ANKRD31: variants seen among roughly 807,000 people sequenced by gnomAD.
ANKRD31 encodes ankyrin repeat domain 31, also known as ankyrin repeat domain-containing protein 31.
A neutral mutation model predicts 186.0 loss-of-function variants in ANKRD31; 147 were observed. That is an observed-to-expected ratio of 0.79 (90% confidence interval 0.69 to 0.91). The LOEUF is 0.91. Ranked by LOEUF, ANKRD31 falls within the 40% of genes least tolerant of loss-of-function variation. ANKRD31 has a pLI of 0.00. For synonymous variants in ANKRD31, 673 were observed against 736.4 expected, an observed-to-expected ratio of 0.91 and a Z score of 1.39; for missense variants, 1,986 against 2,148.8, an observed-to-expected ratio of 0.92 and a Z score of 1.50.
At position 75,099,838 on chromosome 5, in the gene ANKRD31, G is replaced by A. The variant is rs554402013; in HGVS notation, c.5331+4390C>T. ...CTTCTTTTTTATCAGTCTTGCTAGC[G>A]GTCTATCAATTTTGTTGATCTTTTC... On this transcript the variant is annotated intron_variant, in intron 22 of 25. Transcript: ENST00000506364. 1.7e-4 allele frequency among the ~76,000 whole-genome samples: 26 copies of A among 151,940 alleles called. No homozygotes were observed. In the South Asian group the frequency reaches 3.8e-3, roughly 22 times the overall value.
intron 12 of ANKRD31, among the ~76,000 whole-genome samples, chr5:75,152,424 T>C (rs1021401032): frequency 1.2e-4 from 18 of 152,148 alleles, no homozygotes; most frequent in East Asian, 7.7e-4. Flanking sequence ...GAGAAGGATT[T>C]TCAGATTAAA....
intron 22 of ANKRD31, among the ~76,000 whole-genome samples, chr5:75,094,734 G>A (rs1172200948): frequency 6.6e-6 from 1 of 152,080 alleles, no homozygotes; most frequent in Non-Finnish European, 1.5e-5. Flanking sequence ...TCAAAAGGCA[G>A]AGATTATCAG....
intron 19 of ANKRD31, 148 bp downstream of exon 19, chr5:75,116,418 A>T (rs898646253): frequency 1.1e-4 from 29 of 253,840 alleles, no homozygotes; most frequent in East Asian, 6.3e-4. Flanking sequence ...ATAATAATAA[A>T]AAATAAATAA....
At chr5:75,132,795 C>T (rs1749982357) in intron 17 of ANKRD31, among the ~76,000 whole-genome samples, 1 of 152,080 alleles carries the variant, frequency 6.6e-6, no homozygotes, top group South Asian at 2.1e-4. Context: ...AAAGGGAAGC[C>T]CATCAGACTA....
At chr5:75,168,360 C>T (rs1753071913) in intron 11 of ANKRD31, among the ~76,000 whole-genome samples, 1 of 152,148 alleles carries the variant, frequency 6.6e-6, no homozygotes, top group Admixed American at 6.6e-5. Flanking sequence ...GCAAGTGCCT[C>T]AGCCTTGCAA....
chr5:75,158,277 T>C (rs1037005949), intron 11 of ANKRD31, among the ~76,000 whole-genome samples: 1 of 152,208 alleles, frequency 6.6e-6, no homozygotes, highest in African/African-American at 2.4e-5. Context: ...CAATCAGTAA[T>C]TGACCACTAA....
intron 1 of ANKRD31, among the ~76,000 whole-genome samples, chr5:75,235,652 G>T (rs954376517): frequency 6.6e-6 from 1 of 152,164 alleles, no homozygotes; most frequent in Non-Finnish European, 1.5e-5. Flanking sequence ...CCTGCCCCAA[G>T]GCTGGCCCTA....
intron 4 of ANKRD31, among the ~76,000 whole-genome samples, chr5:75,207,986 T>A (rs1258115389): frequency 6.6e-6 from 1 of 152,070 alleles, no homozygotes; most frequent in Non-Finnish European, 1.5e-5. Context: ...AGAACAAAAC[T>A]AAATATGTAT....
At chr5:75,123,804 A>G (rs952950423) in intron 17 of ANKRD31, among the ~76,000 whole-genome samples, 1 of 152,102 alleles carries the variant, frequency 6.6e-6, no homozygotes, top group African/African-American at 2.4e-5. Context: ...AAAGACTTAA[A>G]TTTGTGATCT....
intron 8 of ANKRD31, 84 bp from the exon 9 acceptor site, chr5:75,192,860 A>G: frequency 9.5e-7 from 1 of 1,050,948 alleles, no homozygotes; most frequent in Non-Finnish European, 1.4e-6. Flanking sequence ...TGAATACAAT[A>G]TTAAAACTCC....
At chr5:75,114,123 C>T (rs568420244) in intron 19 of ANKRD31, among the ~76,000 whole-genome samples, 18 of 152,260 alleles carry the variant, frequency 1.2e-4, no homozygotes, top group African/African-American at 4.1e-4. Flanking sequence ...TATTAAGCAA[C>T]TGCTATGTTC....
intron 1 of ANKRD31, among the ~76,000 whole-genome samples, chr5:75,232,821 C>T (rs1286394228): frequency 6.6e-6 from 1 of 152,104 alleles, no homozygotes; most frequent in Non-Finnish European, 1.5e-5. Context: ...CAGATGCTTC[C>T]CTTTTCCTTC....
intron 5 of ANKRD31, among the ~76,000 whole-genome samples, chr5:75,204,960 C>T (rs949931067): frequency 1.3e-5 from 2 of 152,198 alleles, no homozygotes; most frequent in Admixed American, 6.5e-5. Context: ...GCAGCCTGAA[C>T]CTCCTGGGCT....
chr5:75,083,247 A>T (rs1231038168), intron 24 of ANKRD31, among the ~76,000 whole-genome samples: 2 of 152,206 alleles, frequency 1.3e-5, no homozygotes, highest in South Asian at 2.1e-4. Context: ...TTCCACTTGT[A>T]CTAGCATGTC....
Position 75,196,204 on chromosome 5 carries a change from T to G in ANKRD31, c.448-4A>C. The G allele has an allele frequency of 6.9e-7, 1 of 1,448,282 alleles. No individual in the cohort carries two copies. Among genetic ancestry groups the G allele is most frequent in the East Asian group, 2.5e-5 (1 of 40,048 alleles). The allele number at this position is 1,448,282 out of a possible 1,614,324, so 89.7% of individuals were successfully genotyped here. A position where few individuals can be genotyped will look rare whatever the true frequency, so the allele number is the denominator to read the frequency against. On this transcript the variant is annotated splice_region_variant and splice_polypyrimidine_tract_variant and intron_variant, in intron 6 of 25. Transcript: ENST00000506364. ...AATCTCTGCCTTCACTTAGTTCCTGTGTATTACAAATAGAAATTACATCAT... is the reference window on the plus strand; with the variant it reads ...AATCTCTGCCTTCACTTAGTTCCTGGGTATTACAAATAGAAATTACATCAT...
chr5:75,085,771 C>A (rs953700282), intron 23 of ANKRD31, among the ~76,000 whole-genome samples: 1 of 152,144 alleles, frequency 6.6e-6, no homozygotes, highest in Non-Finnish European at 1.5e-5. Context: ...AAAAAAAGTG[C>A]CTCCAGCTTA....
intron 23 of ANKRD31, among the ~76,000 whole-genome samples, chr5:75,090,174 T>G (rs1247203294): frequency 1.3e-5 from 2 of 152,144 alleles, no homozygotes; most frequent in African/African-American, 4.8e-5. Context: ...TAGATATGAA[T>G]TAAGAATCCA....
chr5:75,227,790 G>A (rs1056209767), intron 2 of ANKRD31, among the ~76,000 whole-genome samples: 26 of 152,234 alleles, frequency 1.7e-4, no homozygotes, highest in African/African-American at 6.0e-4. Flanking sequence ...AGGCTGCACC[G>A]CAGAAGGTAA....
At chr5:75,162,898 A>C (rs1344732917) in intron 11 of ANKRD31, among the ~76,000 whole-genome samples, 1 of 152,166 alleles carries the variant, frequency 6.6e-6, no homozygotes, top group African/African-American at 2.4e-5. Flanking sequence ...GTTCATACTG[A>C]TATTTTCATT....
Sources: allele counts gnomAD v4.1 joint callset (sites outside exome capture counted in the v4.1 genomes callset), GRCh38; gene constraint gnomAD v4.1.1; transcripts MANE v1.5; gene names NCBI Gene and HGNC (gene_info 2026-07-23, HGNC 2026-07-21).